SYT9: variants seen among roughly 807,000 people sequenced by gnomAD.
SYT9 encodes the protein synaptotagmin 9.
In SYT9, 22 loss-of-function variants were observed where a neutral mutation model predicts 48.4. The observed-to-expected ratio is 0.45, with a 90% CI of 0.32 to 0.65. SYT9 has a LOEUF of 0.65. Ranked by LOEUF, SYT9 falls within the 30% of genes least tolerant of loss-of-function variation. SYT9 has a pLI of 0.03. For synonymous variants in SYT9, 265 were observed against 245.0 expected, an observed-to-expected ratio of 1.08 and a Z score of -0.76; for missense variants, 577 against 622.0, an observed-to-expected ratio of 0.93 and a Z score of 0.77.
At chr11:7,304,708 C>T (rs898632756) in intron 2 of SYT9, among the ~76,000 whole-genome samples, 14 of 152,082 alleles carry the variant, frequency 9.2e-5, no homozygotes, top group Non-Finnish European at 1.6e-4. Context: ...AGTTGTCTGC[C>T]GTTTGATTTA....
At chr11:7,302,846 G>A (rs1417842196) in intron 1 of SYT9, among the ~76,000 whole-genome samples, 193 bp from the exon 2 acceptor site, 3 of 152,162 alleles carry the variant, frequency 2.0e-5, no homozygotes, top group African/African-American at 4.8e-5. Flanking sequence ...CTGCTCACTG[G>A]TCCTCTGGTT....
rs1426347246 is a variant in SYT9, at chr11:7,467,162, C to G, written c.*362C>G. On this transcript the variant is annotated 3_prime_UTR_variant, in exon 7 of 7. Transcript: ENST00000318881. ...AGGACATAGCATCTGCCCTGGAAAT[C>G]GTTATTCCAACATAATATTATTTTC... The G allele has an allele frequency of 4.3e-6, 1 of 233,676 alleles. No individual in the cohort carries two copies. The highest frequency in any genetic ancestry group is 2.3e-5 in the African/African-American group (1 of 44,264). 14.5% of individuals were successfully genotyped at this position (233,676 alleles called of 1,614,324 possible). A position where few individuals can be genotyped will look rare whatever the true frequency, so the allele number is the denominator to read the frequency against.
chr11:7,290,374 C>T (rs780114883), intron 1 of SYT9, among the ~76,000 whole-genome samples: 1 of 152,160 alleles, frequency 6.6e-6, no homozygotes, highest in Non-Finnish European at 1.5e-5. Context: ...TATAATACCT[C>T]GATGAGCAGC....
chr11:7,446,631 G>A (rs1847935359), intron 6 of SYT9, among the ~76,000 whole-genome samples: 1 of 152,188 alleles, frequency 6.6e-6, no homozygotes, highest in Admixed American at 6.5e-5. Context: ...CAGAGCAAGG[G>A]AAGAAAAAGC....
chr11:7,352,181 T>C (rs990707980), intron 3 of SYT9, among the ~76,000 whole-genome samples: 11 of 152,220 alleles, frequency 7.2e-5, no homozygotes, highest in Non-Finnish European at 1.3e-4. Context: ...TGCCTCAGAC[T>C]GACTTCTGAC....
At chr11:7,347,878 GA>G (rs1849832712) in intron 3 of SYT9, among the ~76,000 whole-genome samples, 1 of 152,052 alleles carries the variant, frequency 6.6e-6, no homozygotes, top group Non-Finnish European at 1.5e-5. Flanking sequence ...AATGCCCATG[GA>G]AACTGAAGGA....
intron 1 of SYT9, among the ~76,000 whole-genome samples, chr11:7,302,443 A>G (rs1848939655): frequency 1.3e-5 from 2 of 152,178 alleles, no homozygotes; most frequent in South Asian, 2.1e-4. Context: ...ACAATATTCT[A>G]TCCTGCGTCC....
At chr11:7,433,364 A>G (rs1264385436) in intron 6 of SYT9, among the ~76,000 whole-genome samples, 1 of 152,242 alleles carries the variant, frequency 6.6e-6, no homozygotes, top group Non-Finnish European at 1.5e-5. Context: ...AGTAAATACC[A>G]TCCAAAGGGA....
intron 3 of SYT9, among the ~76,000 whole-genome samples, chr11:7,355,488 CCTT>C (rs1850003931): frequency 6.6e-6 from 1 of 152,232 alleles, no homozygotes. Context: ...TCAAATCTCA[CCTT>C]CTCCTTAAAT....
At chr11:7,344,700 T>C (rs1230730860) in intron 3 of SYT9, among the ~76,000 whole-genome samples, 1 of 152,204 alleles carries the variant, frequency 6.6e-6, no homozygotes, top group Non-Finnish European at 1.5e-5. Flanking sequence ...TTTTGCACCT[T>C]TGAAGAAAAT....
intron 6 of SYT9, among the ~76,000 whole-genome samples, chr11:7,442,850 A>C (rs1345480362): frequency 7.0e-6 from 1 of 142,112 alleles, no homozygotes; most frequent in African/African-American, 2.9e-5. Context: ...TGATACATCC[A>C]TTCAAAAAAA....
chr11:7,362,369 A>C (rs1850155894), intron 3 of SYT9, among the ~76,000 whole-genome samples: 1 of 152,030 alleles, frequency 6.6e-6, no homozygotes, highest in Non-Finnish European at 1.5e-5. Flanking sequence ...TCCTGGCCTC[A>C]AGTGATCCTT....
chr11:7,258,379 A>G (rs573723771), intron 1 of SYT9, among the ~76,000 whole-genome samples: 12 of 152,190 alleles, frequency 7.9e-5, no homozygotes, highest in Non-Finnish European at 1.3e-4. Context: ...TTGGAGCAAT[A>G]AATGTGCATC....
At chr11:7,318,093 C>T (rs780463423) in intron 3 of SYT9, among the ~76,000 whole-genome samples, 1 of 152,134 alleles carries the variant, frequency 6.6e-6, no homozygotes, top group Non-Finnish European at 1.5e-5. Flanking sequence ...TCTCCATTTA[C>T]TTATTCTTTT....
intron 3 of SYT9, among the ~76,000 whole-genome samples, chr11:7,414,185 G>A (rs867641429): frequency 1.3e-5 from 2 of 152,148 alleles, no homozygotes; most frequent in African/African-American, 4.8e-5. Flanking sequence ...TGCACAGTGC[G>A]GGCCCTCAGG....
chr11:7,302,936 T>G (rs1222679986), intron 1 of SYT9, 103 bp from the exon 2 acceptor site: 1 of 1,084,218 alleles, frequency 9.2e-7, no homozygotes, highest in East Asian at 2.4e-5. Flanking sequence ...CGCAGTCGGC[T>G]CCCAAGGGAT....
intron 6 of SYT9, among the ~76,000 whole-genome samples, chr11:7,449,319 C>T (rs10839785): frequency 0.39 from 48,081 of 122,112 alleles, 10,626 homozygotes; most frequent in African/African-American, 0.66. Context: ...TGAGACTCCA[C>T]CTCAAAAAAA....
rs11041298 is a variant in SYT9 at position 7,288,893 on chromosome 11, A to G, written c.146-14146A>G. On this transcript the variant is annotated intron_variant, in intron 1 of 6. Coordinates refer to ENST00000318881, the MANE Select transcript of SYT9 (RefSeq NM_175733.4). The stretch of plus-strand genomic sequence containing the variant: ...CATTATTCCTGTCTCCAGTGCTCAC[A>G]TTTCTGGTATTTAGGGAGGCACTTC... Among the ~76,000 whole-genome samples, 1,474 of 152,126 alleles carry G rather than the reference A, an allele frequency of 9.7e-3. 23 individuals are homozygous for G. Among genetic ancestry groups the G allele is most frequent in the Non-Finnish European group, 0.014 (958 of 67,990 alleles).
intron 6 of SYT9, among the ~76,000 whole-genome samples, chr11:7,451,483 T>C (rs1483072496): frequency 6.6e-6 from 1 of 152,230 alleles, no homozygotes; most frequent in Non-Finnish European, 1.5e-5. Flanking sequence ...TCTTCTCCTC[T>C]TCAGATAAAA....
Sources: gnomAD v4.1 joint callset for allele counts (sites outside exome capture counted in the v4.1 genomes callset) on GRCh38, gnomAD v4.1.1 for gene constraint, MANE v1.5 for transcripts, NCBI Gene and HGNC (gene_info 2026-07-23, HGNC 2026-07-21) for gene names.